The following PLCE1 variants were observed in gnomAD, a reference collection of about 807,000 sequenced individuals.
PLCE1 encodes phospholipase C epsilon 1, also known as 1-phosphatidylinositol 4,5-bisphosphate phosphodiesterase epsilon-1.
A neutral mutation model predicts 242.8 loss-of-function variants in PLCE1; 119 were observed. The observed-to-expected ratio is 0.49, with a 90% CI of 0.42 to 0.57. PLCE1 has a LOEUF of 0.57. Among genes scored for constraint, PLCE1 ranks in the 20% least tolerant of loss-of-function variants. PLCE1 has a pLI of 0.00. For missense variants in PLCE1, 2,441 were observed against 2,788.8 expected (o/e 0.88, Z 2.81); for synonymous variants, 945 against 1,017.4 (o/e 0.93, Z 1.35).
At chr10:94,045,293 C>A (rs1415227685) in intron 2 of PLCE1, among the ~76,000 whole-genome samples, 1 of 152,036 alleles carries the variant, frequency 6.6e-6, no homozygotes, top group Non-Finnish European at 1.5e-5. Flanking sequence ...CCTGGCTAAT[C>A]AAAAATATAT....
intron 4 of PLCE1, among the ~76,000 whole-genome samples, chr10:94,226,718 C>G (rs568778003): frequency 6.7e-6 from 1 of 149,792 alleles, no homozygotes; most frequent in Non-Finnish European, 1.5e-5. Context: ...GCCTTATTTT[C>G]TTATAGTCAA....
In PLCE1 at chr10:94,262,532, A is replaced by G; in HGVS notation, c.3853A>G (p.Ile1285Val). ...TRNVSDLGLF[I>V]KSKQQLSDNQ... ...AAATGTCTCGGATTTGGGGTTGTTC[A>G]TTAAGAGTAAACAGCAGCTATCGGA... The change falls in exon 14 of 33, where the codon ATT becomes GTT. Residue 1285 changes from isoleucine (I) to valine (V), a missense_variant. Physicochemically the swap from Ile to Val is conservative, Grantham distance 29. Coordinates refer to ENST00000371380, the MANE Select transcript of PLCE1 (RefSeq NM_016341.4). 1 of 1,614,020 alleles carries G rather than the reference A, an allele frequency of 6.2e-7. No homozygotes were observed. Among genetic ancestry groups the G allele is most frequent in the Non-Finnish European group, 8.5e-7 (1 of 1,179,884 alleles).
intron 4 of PLCE1, among the ~76,000 whole-genome samples, chr10:94,218,193 C>A (rs1041123665): frequency 2.6e-5 from 4 of 152,046 alleles, no homozygotes; most frequent in African/African-American, 9.7e-5. Flanking sequence ...CTGTGTGATA[C>A]AGTTATACTT....
chr10:94,020,880 G>A (rs1589865300), intron 1 of PLCE1, among the ~76,000 whole-genome samples: 2 of 151,936 alleles, frequency 1.3e-5, no homozygotes, highest in South Asian at 2.1e-4. Context: ...CCCACACTGG[G>A]GTACAGTGGC....
intron 2 of PLCE1, among the ~76,000 whole-genome samples, chr10:94,117,789 T>G (rs897475342): frequency 6.6e-6 from 1 of 152,236 alleles, no homozygotes; most frequent in African/African-American, 2.4e-5. Context: ...TAGAAAATAA[T>G]GAATGCACCC....
chr10:94,014,818 A>G (rs1377784554), intron 1 of PLCE1, among the ~76,000 whole-genome samples: 2 of 152,198 alleles, frequency 1.3e-5, no homozygotes, highest in Admixed American at 6.5e-5. Context: ...AAAAATGCAG[A>G]TCTCTTTTCC....
chr10:94,045,382 C>A (rs761055603), intron 2 of PLCE1, among the ~76,000 whole-genome samples: 1 of 152,258 alleles, frequency 6.6e-6, no homozygotes, highest in East Asian at 1.9e-4. Context: ...GTGATCTTTC[C>A]GCCTTGACCT....
intron 2 of PLCE1, among the ~76,000 whole-genome samples, chr10:94,054,873 G>A (rs2134852794): frequency 6.6e-6 from 1 of 152,196 alleles, no homozygotes; most frequent in South Asian, 2.1e-4. Flanking sequence ...TTAGCTGGAC[G>A]TGGTGGTGGG....
intron 19 of PLCE1, among the ~76,000 whole-genome samples, chr10:94,278,861 ATATT>A (rs1411095581): frequency 2.6e-5 from 4 of 152,062 alleles, no homozygotes; most frequent in African/African-American, 9.7e-5. Flanking sequence ...TATATAGTAT[ATATT>A]AGCACACATG....
chr10:94,280,243 G>C, intron 20 of PLCE1: 1 of 369,962 alleles, frequency 2.7e-6, no homozygotes, highest in Non-Finnish European at 5.1e-6. Context: ...AGGAGTCGTA[G>C]ACTGAGGTTG....
chr10:94,012,280 C>G (rs1271606493), intron 1 of PLCE1, among the ~76,000 whole-genome samples: 1 of 151,938 alleles, frequency 6.6e-6, no homozygotes, highest in African/African-American at 2.4e-5. Flanking sequence ...TTTGAGGCCT[C>G]TTGTTTCAGA....
intron 20 of PLCE1, among the ~76,000 whole-genome samples, chr10:94,281,802 C>G (rs2052236686): frequency 1.3e-5 from 2 of 152,006 alleles, no homozygotes; most frequent in Non-Finnish European, 2.9e-5. Context: ...CTCAAACAGG[C>G]CTTGTAGTTA....
chr10:94,031,823 G>T lies in PLCE1; in HGVS notation c.777G>T (p.Leu259Phe). 6.2e-7 allele frequency: 1 copy of T among 1,613,782 alleles called. No individual in the cohort carries two copies. Among genetic ancestry groups the T allele is most frequent in the Non-Finnish European group, 8.5e-7 (1 of 1,179,812 alleles). ...TGCAGTGTGATCATTGTGACACCTT[G>T]AATGATAAATACTTTTGCTTTGAAG... ...EQLQCDHCDT[L>F]NDKYFCFEGS... Residue 259 changes from leucine (L) to phenylalanine (F), a missense_variant, in exon 2 of 33, where the codon TTG becomes TTT. Leu to Phe is a conservative substitution (Grantham distance 22, BLOSUM62 0). Around this residue, in one of 5 missense-constraint regions of PLCE1, gnomAD observed 393 missense variants for 378.5 expected, o/e 1.04. Transcript: ENST00000371380.
At chr10:94,036,821 A>G (rs1250777267) in intron 2 of PLCE1, among the ~76,000 whole-genome samples, 1 of 152,202 alleles carries the variant, frequency 6.6e-6, no homozygotes, top group African/African-American at 2.4e-5. Flanking sequence ...GGAATTGCTC[A>G]TGTAACCTGA....
At chr10:94,285,931 A>G (rs1258936144) in intron 22 of PLCE1, among the ~76,000 whole-genome samples, 1 of 152,154 alleles carries the variant, frequency 6.6e-6, no homozygotes, top group African/African-American at 2.4e-5. Context: ...ATGGCTCTGA[A>G]GCCTGTCTGT....
chr10:94,117,748 T>C (rs1220668208), intron 2 of PLCE1, among the ~76,000 whole-genome samples: 1 of 152,206 alleles, frequency 6.6e-6, no homozygotes, highest in Non-Finnish European at 1.5e-5. Flanking sequence ...TTATGTGTAG[T>C]CACACCTGCA....
At chr10:94,085,141 A>T (rs1231136187) in intron 2 of PLCE1, among the ~76,000 whole-genome samples, 1 of 152,154 alleles carries the variant, frequency 6.6e-6, no homozygotes, top group Non-Finnish European at 1.5e-5. Flanking sequence ...CTCATTCAAC[A>T]ATCTTGTGTT....
At chr10:94,272,676 T>C (rs1367270092) in intron 18 of PLCE1, among the ~76,000 whole-genome samples, 2 of 152,234 alleles carry the variant, frequency 1.3e-5, no homozygotes, top group African/African-American at 4.8e-5. Flanking sequence ...CGGCTCCAGC[T>C]GGTCCCTCCG....
intron 2 of PLCE1, among the ~76,000 whole-genome samples, chr10:94,107,351 G>T (rs1317736692): frequency 2.0e-5 from 3 of 152,068 alleles, no homozygotes; most frequent in Non-Finnish European, 4.4e-5. Flanking sequence ...CCCTTGCTTG[G>T]TGCTTTACAT....
Sources: gnomAD v4.1 joint callset for allele counts (sites outside exome capture counted in the v4.1 genomes callset) on GRCh38, gnomAD v4.1.1 for gene constraint, gnomAD v4.1.1 regional missense constraint, MANE v1.5 for transcripts, NCBI Gene and HGNC (gene_info 2026-07-23, HGNC 2026-07-21) for gene names.